MYBPHL: variants seen among roughly 807,000 people sequenced by gnomAD.
MYBPHL encodes myosin-binding protein H-like.
A neutral mutation model predicts 39.5 loss-of-function variants in MYBPHL; 32 were observed. The observed-to-expected ratio is 0.81, with a 90% CI of 0.61 to 1.09. The LOEUF is 1.09. Ranked by LOEUF, MYBPHL falls within the 50% of genes least tolerant of loss-of-function variation. The pLI is 0.00. For missense variants in MYBPHL, 456 were observed against 460.2 expected, an observed-to-expected ratio of 0.99 and a Z score of 0.08; for synonymous variants, 196 against 183.7, an observed-to-expected ratio of 1.07 and a Z score of -0.54.
At chr1:109,297,394 C>G (rs749865494) in intron 3 of MYBPHL, 28 bp downstream of exon 3, 29 of 1,596,838 alleles carry the variant, frequency 1.8e-5, no homozygotes, top group Non-Finnish European at 2.5e-5. Context: ...CCTGAGGACC[C>G]CCCCATCTCC....
Position 109,297,484 on chromosome 1 carries a change from T to C in MYBPHL, c.368A>G (p.Tyr123Cys). ...REAQRADSGR[Y>C]QLRVQLGGLE... ...CCCACCCAGCTGCACGCGGAGTTGG[T>C]AGCGACCTGAGTCAGCACGTTGGGC... Residue 123 changes from tyrosine (Y) to cysteine (C), a missense_variant, in exon 3 of 9, where the codon TAC (tyrosine) becomes TGC (cysteine). Transcript: ENST00000357155. 1 of 1,613,466 alleles carries C rather than the reference T, an allele frequency of 6.2e-7. No individual in the cohort carries two copies. The highest frequency in any genetic ancestry group is 8.5e-7 in the Non-Finnish European group (1 of 1,180,016).
chr1:109,295,342 A>G, intron 6 of MYBPHL, 45 bp from the exon 7 acceptor site: 3 of 1,554,486 alleles, frequency 1.9e-6, no homozygotes, highest in Non-Finnish European at 2.6e-6. Flanking sequence ...GGCGAGGGTA[A>G]GAACCAATAG....
chr1:109,297,304 G>A, intron 3 of MYBPHL, 115 bp from the exon 4 acceptor site: 1 of 1,566,736 alleles, frequency 6.4e-7, no homozygotes, highest in Non-Finnish European at 8.7e-7. Context: ...CCCACCCTGT[G>A]TCCCAGACAT....
At chr1:109,303,708 C>A (rs1454659335) in intron 1 of MYBPHL, among the ~76,000 whole-genome samples, 4 of 152,006 alleles carry the variant, frequency 2.6e-5, no homozygotes, top group African/African-American at 9.7e-5. Flanking sequence ...ACATGGCCAG[C>A]TGGAAAAATC....
chr1:109,295,016 C>G (rs76365002), intron 7 of MYBPHL, 95 bp downstream of exon 7: 35 of 1,274,226 alleles, frequency 2.7e-5, no homozygotes, highest in Non-Finnish European at 3.7e-5. Context: ...AACCCCTTCT[C>G]CCCCTAGGCT....
Position 109,297,368 on chromosome 1 carries a change from G to GC in MYBPHL, c.430+53dup, listed in dbSNP as rs1658114957. 4 of 1,577,484 alleles carry GC rather than the reference G, an allele frequency of 2.5e-6. No homozygotes were observed. The South Asian group carries it at 4.7e-5, about 19-fold the overall frequency. On this transcript the variant is annotated intron_variant, in intron 3 of 8. Coordinates refer to ENST00000357155, the MANE Select transcript of MYBPHL (RefSeq NM_001010985.3). ...AGCTCTCTGAGCTGGCTCCTCTTCA[G>GC]CCTGGAGAGGGAGTTCCTGAGGACC...
intron 8 of MYBPHL, among the ~76,000 whole-genome samples, chr1:109,293,212 G>T (rs1657927024): frequency 6.6e-6 from 1 of 152,128 alleles, no homozygotes; most frequent in Non-Finnish European, 1.5e-5. Flanking sequence ...TGTGACTCTT[G>T]TGGGTTCCTG....
intron 1 of MYBPHL, among the ~76,000 whole-genome samples, chr1:109,303,571 G>A (rs539269201): frequency 6.6e-6 from 1 of 152,072 alleles, no homozygotes; most frequent in Non-Finnish European, 1.5e-5. Flanking sequence ...AAGTTCACTC[G>A]GTCTCCCATT....
chr1:109,295,280 C>T lies in MYBPHL; in HGVS notation c.885G>A (p.Leu295=). 6.2e-7 allele frequency: 1 copy of T among 1,613,932 alleles called. No homozygotes were observed. The highest frequency in any genetic ancestry group is 1.3e-5 in the African/African-American group (1 of 75,050). The change falls in exon 7 of 9, where the codon CTG becomes CTA. Residue 295 remains leucine, a synonymous_variant. Transcript: ENST00000357155. The stretch of plus-strand genomic sequence containing the variant: ...TGCCTTGGATATCCATCTTGTTCTT[C>T]AGCCAGATGATCTTGGGCTGGAAGA... The part of the protein sequence containing the change: ...RASPRPKIIW[L]KNKMDIQGNP...
chr1:109,298,384 G>A (rs1658164545), intron 1 of MYBPHL, 127 bp from the exon 2 acceptor site: 1 of 748,094 alleles, frequency 1.3e-6, no homozygotes, highest in Admixed American at 2.8e-5. Context: ...TAGAGGGGAG[G>A]GGAAGAGTGC....
Position 109,299,112 on chromosome 1 carries a change from C to T in MYBPHL, c.146-855G>A, listed in dbSNP as rs902110602. On this transcript the variant is annotated intron_variant, in intron 1 of 8. Transcript: ENST00000357155. ...TGCCGAAGCACAAACATTCCACCTG[C>T]GTTCCCTCGGGGGCCTGGCTGAGAC... Among the ~76,000 whole-genome samples the T allele has an allele frequency of 2.6e-5, 4 of 152,234 alleles. No homozygotes were observed. The East Asian group carries it at 5.8e-4, about 22-fold the overall frequency.
intron 1 of MYBPHL, among the ~76,000 whole-genome samples, chr1:109,302,532 T>C (rs927301936): frequency 6.6e-6 from 1 of 152,144 alleles, no homozygotes; most frequent in Non-Finnish European, 1.5e-5. Context: ...GCTTGATGGT[T>C]TTAGCCCTGG....
At position 109,296,349 on chromosome 1, in the gene MYBPHL, C is replaced by G. The variant is rs756605087; in HGVS notation, c.752G>C (p.Gly251Ala). 1.2e-6 allele frequency: 2 copies of G among 1,614,142 alleles called. No homozygotes were observed. Among genetic ancestry groups the G allele is most frequent in the Admixed American group, 1.7e-5 (1 of 60,026 alleles). The change falls in exon 6 of 9, where the codon GGG (glycine) becomes GCG (alanine). Residue 251 changes from glycine to alanine, a missense_variant. Gly to Ala is a moderately conservative substitution (Grantham distance 60, BLOSUM62 0). Coordinates refer to ENST00000357155, the MANE Select transcript of MYBPHL (RefSeq NM_001010985.3). ...QKAATVYKTK[G>A]FAQRDFSEAP... ...TTCAGAGAAGTCTCGTTGGGCAAACCCCTTGGTCTTGTAAACAGTAGCTGA... is the reference window on the plus strand; with the variant it reads ...TTCAGAGAAGTCTCGTTGGGCAAACGCCTTGGTCTTGTAAACAGTAGCTGA...
intron 6 of MYBPHL, 84 bp from the exon 7 acceptor site, chr1:109,295,381 G>A (rs984887005): frequency 2.9e-5 from 38 of 1,298,056 alleles, no homozygotes; most frequent in Non-Finnish European, 3.7e-5. Flanking sequence ...CTGGGACTCT[G>A]TCTATATAGA....
At chr1:109,296,639 A>G (rs1658074571) in intron 5 of MYBPHL, 144 bp downstream of exon 5, 1 of 991,804 alleles carries the variant, frequency 1.0e-6, no homozygotes, top group African/African-American at 1.6e-5. Context: ...AGGTTTCACC[A>G]TGTTGTCCAG....
At chr1:109,299,410 T>C (rs1459206957) in intron 1 of MYBPHL, among the ~76,000 whole-genome samples, 2 of 152,252 alleles carry the variant, frequency 1.3e-5, no homozygotes, top group Non-Finnish European at 2.9e-5. Context: ...CTATGACATA[T>C]GTATGTTTAC....
At chr1:109,302,140 G>C (rs1044579971) in intron 1 of MYBPHL, among the ~76,000 whole-genome samples, 1 of 152,022 alleles carries the variant, frequency 6.6e-6, no homozygotes, top group East Asian at 1.9e-4. Context: ...TGAATGGTGT[G>C]TGTATGTGTG....
rs149020854 is a variant in MYBPHL at position 109,306,975 on chromosome 1, G to A, written c.17C>T (p.Ala6Val). The A allele has an allele frequency of 1.9e-6, 3 of 1,610,956 alleles. No individual in the cohort carries two copies. The highest frequency in any genetic ancestry group is 2.7e-5 in the African/African-American group (2 of 74,686). The change falls in exon 1 of 9, where the codon GCT (alanine) becomes GTT (valine). Residue 6 changes from alanine to valine, a missense_variant. By Grantham distance (64) the Ala-to-Val change is moderately conservative (BLOSUM62 0). Coordinates refer to ENST00000357155, the MANE Select transcript of MYBPHL (RefSeq NM_001010985.3). The stretch of plus-strand genomic sequence containing the variant: ...CTTGGATCCTGCGGCCACCTCCGGA[G>A]CTGTGGCTGCCTCCATGCTGGGCCT... MEAAT[A>V]PEVAAGSKLK...
chr1:109,295,385 A>G lies in MYBPHL; in HGVS notation c.868-88T>C. Reference sequence around the variant, plus strand: ...GTGCTCAGTTTCTGGGACTCTGTCTATATAGAGATAATGGCTTTCTGGAAG... The same window carrying G: ...GTGCTCAGTTTCTGGGACTCTGTCTGTATAGAGATAATGGCTTTCTGGAAG... On this transcript the variant is annotated intron_variant, in intron 6 of 8. Coordinates refer to ENST00000357155, the MANE Select transcript of MYBPHL (RefSeq NM_001010985.3). The G allele has an allele frequency of 4.8e-6, 6 of 1,243,552 alleles. No individual in the cohort carries two copies. The South Asian group carries it at 5.9e-5, about 12-fold the overall frequency. The allele number at this position is 1,243,552 out of a possible 1,614,324, so 77.0% of individuals were successfully genotyped here.
Sources: allele counts gnomAD v4.1 joint callset (sites outside exome capture counted in the v4.1 genomes callset), GRCh38; gene constraint gnomAD v4.1.1; transcripts MANE v1.5; gene names NCBI Gene and HGNC (gene_info 2026-07-23, HGNC 2026-07-21).